ECE1: variants seen among roughly 807,000 people sequenced by gnomAD.
The protein encoded by ECE1 is endothelin-converting enzyme 1.
Under a neutral mutation model 98.6 loss-of-function variants are expected in ECE1, and 35 were observed. That is an observed-to-expected ratio of 0.35 (90% CI 0.27 to 0.47). The LOEUF (loss-of-function observed/expected upper bound fraction) is 0.47. Among genes scored for constraint, ECE1 ranks in the 20% least tolerant of loss-of-function variants. ECE1 has a pLI of 1.00. For missense variants in ECE1, 814 were observed against 1,025.3 expected, an observed-to-expected ratio of 0.79 and a Z score of 2.81; for synonymous variants, 394 against 407.1, an observed-to-expected ratio of 0.97 and a Z score of 0.39.
At chr1:21,246,998 C>T (rs1207839990) in intron 9 of ECE1, among the ~76,000 whole-genome samples, 2 of 152,226 alleles carry the variant, frequency 1.3e-5, no homozygotes, top group Non-Finnish European at 2.9e-5. Context: ...GGAGAATGAA[C>T]TTAAGAAAGG....
chr1:21,222,369 T>C (rs191837759), intron 17 of ECE1, among the ~76,000 whole-genome samples: 1 of 152,264 alleles, frequency 6.6e-6, no homozygotes, highest in East Asian at 1.9e-4. Flanking sequence ...AGCTTTCTAA[T>C]CAGTCTTCTG....
intron 1 of ECE1, among the ~76,000 whole-genome samples, chr1:21,320,740 C>T (rs1213312509): frequency 6.6e-6 from 1 of 152,236 alleles, no homozygotes; most frequent in Non-Finnish European, 1.5e-5. Context: ...GGGGCCGCAG[C>T]CTCATCTCTG....
At position 21,260,528 on chromosome 1, in the gene ECE1, G is replaced by T; in HGVS notation, c.494-136C>A. The T allele has an allele frequency of 8.7e-7, 1 of 1,154,966 alleles. No individual in the cohort carries two copies. Among genetic ancestry groups the T allele is most frequent in the Non-Finnish European group, 1.3e-6 (1 of 778,172 alleles). The allele number at this position is 1,154,966 out of a possible 1,614,324, so 71.5% of individuals were successfully genotyped here. A position where few individuals can be genotyped will look rare whatever the true frequency, so the allele number is the denominator to read the frequency against. The stretch of plus-strand genomic sequence containing the variant: ...GACATCTGCCTGTCGGAGTGGCAGT[G>T]AGGAATGCCGTCACCGTGAGTATGT... On this transcript the variant is annotated intron_variant, in intron 4 of 18. Coordinates refer to ENST00000374893, the MANE Select transcript of ECE1 (RefSeq NM_001397.3). This position sits in a 1 kb window ranked among gnomAD's most constrained non-coding sequence, Gnocchi z 4.3.
intron 2 of ECE1, among the ~76,000 whole-genome samples, chr1:21,287,386 C>T (rs1034902330): frequency 6.6e-6 from 1 of 152,106 alleles, no homozygotes; most frequent in African/African-American, 2.4e-5. Context: ...ATTAGCCGAG[C>T]GTGGTGACGT....
At chr1:21,304,273 G>A (rs760046156) in intron 1 of ECE1, among the ~76,000 whole-genome samples, 4 of 131,416 alleles carry the variant, frequency 3.0e-5, no homozygotes, top group Non-Finnish European at 4.6e-5. Flanking sequence ...CCGAGATCGC[G>A]CCACGGCACT....
intron 4 of ECE1, among the ~76,000 whole-genome samples, chr1:21,262,220 G>A (rs1573983384): frequency 2.0e-5 from 3 of 152,220 alleles, no homozygotes; most frequent in African/African-American, 7.2e-5. Flanking sequence ...CTGAACGAGG[G>A]GCTATGGAGG....
intron 1 of ECE1, among the ~76,000 whole-genome samples, chr1:21,323,109 A>C (rs1409254656): frequency 6.6e-6 from 1 of 152,186 alleles, no homozygotes; most frequent in Non-Finnish European, 1.5e-5. Flanking sequence ...TCTGCTCCAA[A>C]ATAGTACCTT....
intron 18 of ECE1, 51 bp downstream of exon 18, chr1:21,221,696 A>G: frequency 1.3e-6 from 2 of 1,581,832 alleles, no homozygotes; most frequent in Non-Finnish European, 1.7e-6. Context: ...CTCTTGAAAC[A>G]TCAAGATGGC....
intron 1 of ECE1, among the ~76,000 whole-genome samples, chr1:21,341,381 G>A (rs1639395469): frequency 6.6e-6 from 1 of 152,136 alleles, no homozygotes; most frequent in Non-Finnish European, 1.5e-5. Flanking sequence ...CCAGTCAATT[G>A]GAGAGAAAAA....
At chr1:21,222,173 T>G in intron 17 of ECE1, 1 of 384,434 alleles carries the variant, frequency 2.6e-6, no homozygotes, top group South Asian at 2.3e-5. Context: ...TGTGTGTGCA[T>G]GCACACACAC....
rs997994338 is a variant in ECE1 at position 21,341,157 on chromosome 1, C to A, written c.3+4219G>T. 5.3e-4 allele frequency among the ~76,000 whole-genome samples: 81 copies of A among 152,314 alleles called. 1 individual carries two copies. The highest frequency in any genetic ancestry group is 1.9e-3 in the African/African-American group (80 of 41,560). On this transcript the variant is annotated intron_variant, in intron 1 of 18. Transcript: ENST00000415912. ...GTTCCCGGTCCAATCCCACAGCCCC[C>A]CGCGTGTCTCCCTGACAACAGTAAT...
chr1:21,255,797 T>C, intron 8 of ECE1, 150 bp downstream of exon 8: 1 of 877,896 alleles, frequency 1.1e-6, no homozygotes, highest in Non-Finnish European at 1.7e-6. Context: ...GCATCAGTTT[T>C]TCCATCTGTG....
At chr1:21,237,865 A>T (rs2098190348) in intron 11 of ECE1, among the ~76,000 whole-genome samples, 1 of 152,162 alleles carries the variant, frequency 6.6e-6, no homozygotes, top group Non-Finnish European at 1.5e-5. Flanking sequence ...CAGCCCTTGG[A>T]GGTGGGGATG....
chr1:21,295,161 G>A (rs949055145), upstream of ECE1, among the ~76,000 whole-genome samples: 33 of 152,304 alleles, frequency 2.2e-4, no homozygotes, highest in African/African-American at 7.7e-4. Context: ...GGAGGATGAT[G>A]ATAACAATAG....
intron 7 of ECE1, 55 bp downstream of exon 7, chr1:21,257,470 C>T (rs1049915198): frequency 1.4e-5 from 22 of 1,594,344 alleles, no homozygotes; most frequent in Middle Eastern, 1.7e-4. Flanking sequence ...GGTGTGGACA[C>T]GGAGCAGGAA....
chr1:21,291,486 C>A (rs2098266549), upstream of ECE1, among the ~76,000 whole-genome samples: 1 of 152,212 alleles, frequency 6.6e-6, no homozygotes, highest in Non-Finnish European at 1.5e-5. Flanking sequence ...CACTCCTGCC[C>A]TCTGACAGCC....
chr1:21,277,178 G>A (rs1271049306), intron 3 of ECE1, among the ~76,000 whole-genome samples: 1 of 152,160 alleles, frequency 6.6e-6, no homozygotes, highest in Non-Finnish European at 1.5e-5. Flanking sequence ...GGGGAAGAAT[G>A]TTCCTCTCCC....
intron 1 of ECE1, among the ~76,000 whole-genome samples, chr1:21,310,695 G>A (rs570231450): frequency 6.6e-6 from 1 of 152,192 alleles, no homozygotes; most frequent in Admixed American, 6.5e-5. Flanking sequence ...CTTGGGTATG[G>A]GTGACTGTCC....
intron 2 of ECE1, among the ~76,000 whole-genome samples, chr1:21,282,937 ATTTTTTT>A (rs536420247): frequency 9.6e-6 from 1 of 104,494 alleles, no homozygotes; most frequent in Non-Finnish European, 1.9e-5. Flanking sequence ...TCACAACATT[ATTTTTTT>A]TTTTTTTTTT....
Sources: allele counts gnomAD v4.1 joint callset (sites outside exome capture counted in the v4.1 genomes callset), GRCh38; gene constraint gnomAD v4.1.1; non-coding constraint Gnocchi (gnomAD v3.1); transcripts MANE v1.5; gene names NCBI Gene and HGNC (gene_info 2026-07-23, HGNC 2026-07-21).